The following ABL1 variants were observed in gnomAD, a reference collection of about 807,000 sequenced individuals.
The protein encoded by ABL1 is ABL proto-oncogene 1, non-receptor tyrosine kinase.
ABL1 carries 11 observed loss-of-function variants against 94.7 expected under a neutral mutation model. The ratio of observed to expected loss-of-function variants is 0.12; its 90% CI spans 0.07 to 0.19. The LOEUF (loss-of-function observed/expected upper bound fraction) is 0.19. Ranked by LOEUF, ABL1 falls within the 10% of genes least tolerant of loss-of-function variation. The probability of loss-of-function intolerance (pLI) is 1.00; values close to 1 mark genes in which losing one functional copy is unlikely to be tolerated. For missense variants in ABL1, 1,082 were observed against 1,489.4 expected (o/e 0.73, Z 4.50); for synonymous variants, 656 against 622.4 (o/e 1.05, Z -0.80).
chr9:130,777,645 CTG>C (rs1455943806), intron 1 of ABL1, among the ~76,000 whole-genome samples: 1 of 54,236 alleles, frequency 1.8e-5, no homozygotes, highest in East Asian at 4.6e-4. Flanking sequence ...ACTTTGTAGA[CTG>C]TGAGCAGGGG....
rs553518148 is a variant in ABL1 at position 130,859,954 on chromosome 9, C to T, written c.550-2809C>T. On this transcript the variant is annotated intron_variant, in intron 3 of 10. Coordinates refer to ENST00000318560, the MANE Select transcript of ABL1 (RefSeq NM_005157.6). ...TTGGCCTCCCAAAGTGCTGGGATTACAGGCGTGAGCCACTGCTCCTGGCAA... is the reference window on the plus strand; with the variant it reads ...TTGGCCTCCCAAAGTGCTGGGATTATAGGCGTGAGCCACTGCTCCTGGCAA... 1.3e-4 allele frequency among the ~76,000 whole-genome samples: 20 copies of T among 152,234 alleles called. No individual in the cohort carries two copies. In the South Asian group the frequency reaches 1.7e-3, roughly 13 times the overall value.
chr9:130,823,999 T>C (rs973603521), intron 1 of ABL1, among the ~76,000 whole-genome samples: 1 of 152,234 alleles, frequency 6.6e-6, no homozygotes, highest in Admixed American at 6.5e-5. Context: ...ACATTTGTCA[T>C]GTGAAATAAC....
intron 1 of ABL1, among the ~76,000 whole-genome samples, chr9:130,751,938 T>G (rs1488561186): frequency 6.6e-6 from 1 of 152,198 alleles, no homozygotes; most frequent in African/African-American, 2.4e-5. Context: ...TGTTAGATTT[T>G]CAGCCTCCGC....
At chr9:130,873,220 C>T (rs1427943797) in intron 6 of ABL1, among the ~76,000 whole-genome samples, 183 bp downstream of exon 6, 1 of 152,248 alleles carries the variant, frequency 6.6e-6, no homozygotes, top group Non-Finnish European at 1.5e-5. Flanking sequence ...TTTGGGCATG[C>T]ATCCAGGGCT....
chr9:130,758,058 G>C (rs1466837072), intron 1 of ABL1, among the ~76,000 whole-genome samples: 1 of 152,176 alleles, frequency 6.6e-6, no homozygotes, highest in Non-Finnish European at 1.5e-5. Flanking sequence ...ATAGTACTTA[G>C]ATGATTTGCT....
intron 1 of ABL1, among the ~76,000 whole-genome samples, chr9:130,753,218 CTG>C (rs1423944430): frequency 4.7e-5 from 7 of 150,506 alleles, no homozygotes; most frequent in African/African-American, 1.7e-4. Context: ...GATCGCGCCA[CTG>C]CACTCCAGCC....
At chr9:130,717,890 C>G (rs965463302) in intron 1 of ABL1, among the ~76,000 whole-genome samples, 1 of 151,872 alleles carries the variant, frequency 6.6e-6, no homozygotes, top group Middle Eastern at 3.4e-3. Flanking sequence ...GCACATGCCT[C>G]TAATCCCAGC....
At chr9:130,859,739 G>A (rs1235018322) in intron 3 of ABL1, among the ~76,000 whole-genome samples, 1 of 127,782 alleles carries the variant, frequency 7.8e-6, no homozygotes, top group African/African-American at 3.0e-5. Flanking sequence ...GGAGTACAGT[G>A]GCACAATCTC....
Position 130,884,018 on chromosome 9 carries a change from G to C in ABL1, c.1728G>C (p.Glu576Asp). 1.2e-6 allele frequency: 2 copies of C among 1,613,824 alleles called. No individual in the cohort carries two copies. The highest frequency in any genetic ancestry group is 1.7e-6 in the Non-Finnish European group (2 of 1,180,024). Residue 576 changes from glutamate (E) to aspartate (D), a missense_variant, in exon 11 of 11, where the codon GAG (glutamate) becomes GAC (aspartate). This residue lies in a region of ABL1 where 780 missense variants were observed against 835.8 expected (regional missense o/e 0.93). Coordinates refer to ENST00000318560, the MANE Select transcript of ABL1 (RefSeq NM_005157.6). The surrounding 1 kb of genome is among the most constrained non-coding windows in gnomAD (Gnocchi z 5.6). ...TGTCTCCATTGCTCCCTCGAAAAGA[G>C]CGAGGTCCCCCGGAGGGCGGCCTGA... ...PAVSPLLPRKERGPPEGGLNE... is the reference protein window; with the variant it reads ...PAVSPLLPRKDRGPPEGGLNE...
In ABL1 at chr9:130,841,598, G is replaced by A. The variant is rs1394953501; in HGVS notation, c.79+6073G>A. On this transcript the variant is annotated intron_variant, in intron 1 of 10. Coordinates refer to ENST00000318560, the MANE Select transcript of ABL1 (RefSeq NM_005157.6). ...AGGCCGAGGCAGGTGGTCACCTGAG[G>A]TCAGGAGTTCGAGACCAGCCTGGCC... 2.0e-5 allele frequency among the ~76,000 whole-genome samples: 3 copies of A among 151,748 alleles called. No homozygotes were observed. In the East Asian group the frequency reaches 5.9e-4, roughly 30 times the overall value.
At chr9:130,860,904 G>T (rs190627394) in intron 3 of ABL1, among the ~76,000 whole-genome samples, 1 of 152,332 alleles carries the variant, frequency 6.6e-6, no homozygotes, top group Admixed American at 6.5e-5. Flanking sequence ...TGCAGCACTT[G>T]TGTTGGTGAC....
In ABL1 at chr9:130,863,060, C is replaced by A; in HGVS notation, c.822+25C>A. 1 of 1,569,586 alleles carries A rather than the reference C, an allele frequency of 6.4e-7. No homozygotes were observed. The highest frequency in any genetic ancestry group is 1.2e-5 in the South Asian group (1 of 83,378). On this transcript the variant is annotated intron_variant, in intron 4 of 10. Coordinates refer to ENST00000318560, the MANE Select transcript of ABL1 (RefSeq NM_005157.6). This position sits in a 1 kb window ranked among gnomAD's most constrained non-coding sequence, Gnocchi z 4.3. ...GGTAGGCTGGGACTGCCGGGGGTGC[C>A]CAGGGTACGTGGGGCAAGGCGTCTG...
intron 1 of ABL1, among the ~76,000 whole-genome samples, chr9:130,719,066 A>G (rs1413450089): frequency 6.6e-6 from 1 of 152,076 alleles, no homozygotes; most frequent in Non-Finnish European, 1.5e-5. Flanking sequence ...TTATTTGTGT[A>G]TGTCCAGGAA....
At chr9:130,753,005 C>T (rs546834326) in intron 1 of ABL1, among the ~76,000 whole-genome samples, 65 of 151,596 alleles carry the variant, frequency 4.3e-4, no homozygotes, top group Non-Finnish European at 7.7e-4. Context: ...GCCTGTAGTC[C>T]CAGCACTTTG....
At chr9:130,729,243 C>T (rs1182002132) in intron 1 of ABL1, among the ~76,000 whole-genome samples, 1 of 152,238 alleles carries the variant, frequency 6.6e-6, no homozygotes, top group Non-Finnish European at 1.5e-5. Context: ...TCTTCCAGCA[C>T]TGTGAAACCT....
chr9:130,798,706 C>T (rs767307447), intron 1 of ABL1, among the ~76,000 whole-genome samples: 8 of 152,078 alleles, frequency 5.3e-5, no homozygotes, highest in Non-Finnish European at 7.4e-5. Flanking sequence ...TGGTGACTCA[C>T]GCCTGTAATC....
At chr9:130,852,626 G>A (rs908433638) in intron 1 of ABL1, among the ~76,000 whole-genome samples, 6 of 151,712 alleles carry the variant, frequency 4.0e-5, no homozygotes, top group African/African-American at 1.5e-4. Flanking sequence ...GCAAGAACTC[G>A]TCTACACGTT....
intron 3 of ABL1, among the ~76,000 whole-genome samples, chr9:130,860,270 C>CT (rs1471991407): frequency 1.3e-5 from 2 of 152,072 alleles, no homozygotes; most frequent in East Asian, 3.9e-4. Flanking sequence ...TATGCGGTGC[C>CT]TTTGGGGGAG....
chr9:130,771,653 G>A (rs2132767622), intron 1 of ABL1, among the ~76,000 whole-genome samples: 1 of 151,600 alleles, frequency 6.6e-6, no homozygotes, highest in African/African-American at 2.4e-5. Flanking sequence ...TTAACCTAAT[G>A]TGTTCTTAAG....
Sources: allele counts gnomAD v4.1 joint callset (sites outside exome capture counted in the v4.1 genomes callset), GRCh38; gene constraint gnomAD v4.1.1; regional missense constraint gnomAD v4.1.1; non-coding constraint Gnocchi (gnomAD v3.1); transcripts MANE v1.5; gene names NCBI Gene and HGNC (gene_info 2026-07-23, HGNC 2026-07-21).